Variants in ERC1 observed in about 807,000 individuals in gnomAD.
ERC1 encodes ELKS/RAB6-interacting/CAST family member 1, also known as RAB6 interacting protein 2.
In ERC1, 56 loss-of-function variants were observed where a neutral mutation model predicts 132.0. The ratio of observed to expected loss-of-function variants is 0.42; its 90% CI spans 0.34 to 0.53. ERC1 has a LOEUF of 0.53. Among genes scored for constraint, ERC1 ranks in the 20% least tolerant of loss-of-function variants. The pLI is 0.03. For synonymous variants in ERC1, 478 were observed against 476.1 expected (o/e 1.00, Z -0.05); for missense variants, 1,202 against 1,349.9 (o/e 0.89, Z 1.72).
At chr12:1,436,723 GTTT>G (rs1183796060) in intron 17 of ERC1, among the ~76,000 whole-genome samples, 1 of 152,176 alleles carries the variant, frequency 6.6e-6, no homozygotes, top group African/African-American at 2.4e-5. Context: ...CAATTTCAAT[GTTT>G]ATGTGTTCAC....
chr12:1,472,598 C>T (rs560015435), intron 18 of ERC1, among the ~76,000 whole-genome samples: 1 of 149,584 alleles, frequency 6.7e-6, no homozygotes, highest in Non-Finnish European at 1.5e-5. Context: ...TGCAGTGAGC[C>T]GTGATCACAC....
At chr12:1,075,802 C>T (rs1298545565) in intron 2 of ERC1, among the ~76,000 whole-genome samples, 5 of 152,146 alleles carry the variant, frequency 3.3e-5, no homozygotes, top group South Asian at 2.1e-4. Flanking sequence ...TGGACCATCA[C>T]GAAGATCTTC....
At chr12:1,095,345 G>C (rs111492113) in intron 3 of ERC1, among the ~76,000 whole-genome samples, 1 of 144,496 alleles carries the variant, frequency 6.9e-6, no homozygotes, top group Admixed American at 7.3e-5. Flanking sequence ...CAGGAGAATC[G>C]CTTGAACTCG....
chr12:1,105,026 C>T (rs1945097433), intron 4 of ERC1, among the ~76,000 whole-genome samples: 1 of 152,124 alleles, frequency 6.6e-6, no homozygotes, highest in South Asian at 2.1e-4. Flanking sequence ...TCAAATTGGA[C>T]CAAAAAGAGT....
At chr12:1,415,987 G>A (rs11061751) in intron 17 of ERC1, among the ~76,000 whole-genome samples, 9,448 of 152,168 alleles carry the variant, frequency 0.062, 466 homozygotes, top group African/African-American at 0.12. Context: ...AGATTACACA[G>A]CTAACAAGCG....
chr12:1,039,437 G>C (rs1303058996), intron 2 of ERC1, among the ~76,000 whole-genome samples: 3 of 151,854 alleles, frequency 2.0e-5, no homozygotes, highest in African/African-American at 7.2e-5. Context: ...GGCTAGGGCA[G>C]GAGGATAGTT....
At chr12:1,353,726 G>C (rs1276257608) in intron 15 of ERC1, among the ~76,000 whole-genome samples, 1 of 152,138 alleles carries the variant, frequency 6.6e-6, no homozygotes, top group Non-Finnish European at 1.5e-5. Flanking sequence ...GTTTTGTTTT[G>C]TGTGATCTTG....
At chr12:1,266,803 A>G (rs1219288661) in intron 14 of ERC1, among the ~76,000 whole-genome samples, 1 of 152,170 alleles carries the variant, frequency 6.6e-6, no homozygotes, top group African/African-American at 2.4e-5. Flanking sequence ...AATGCCTTAA[A>G]TGAGGCTTTT....
intron 15 of ERC1, among the ~76,000 whole-genome samples, chr12:1,329,978 A>G (rs1430463616): frequency 1.3e-5 from 2 of 152,346 alleles, no homozygotes; most frequent in African/African-American, 4.8e-5. Context: ...AGTAAATTAT[A>G]AAAGCTGAGA....
intron 16 of ERC1, among the ~76,000 whole-genome samples, chr12:1,394,025 A>G (rs998211288): frequency 8.6e-5 from 10 of 115,966 alleles, no homozygotes; most frequent in Admixed American, 7.3e-4. Context: ...CAAAAAAAAA[A>G]AAAAAAAACA....
chr12:1,031,259 A>G (rs1967982644), intron 2 of ERC1, among the ~76,000 whole-genome samples: 3 of 152,240 alleles, frequency 2.0e-5, no homozygotes, highest in Admixed American at 2.0e-4. Flanking sequence ...CAACTTTGCT[A>G]TTCCACTGTT....
At chr12:1,095,323 G>C (rs751380192) in intron 3 of ERC1, among the ~76,000 whole-genome samples, 1 of 151,220 alleles carries the variant, frequency 6.6e-6, no homozygotes, top group Admixed American at 6.6e-5. Flanking sequence ...CTAGCTATTT[G>C]GGAGGCTGAG....
chr12:1,189,724 C>A, intron 11 of ERC1, 135 bp from the exon 12 acceptor site: 2 of 620,728 alleles, frequency 3.2e-6, no homozygotes, highest in Non-Finnish European at 5.3e-6. Context: ...AGATAAAAAC[C>A]TTATAAATTA....
chr12:1,083,101 G>T (rs1220870798), intron 2 of ERC1, 63 bp from the exon 3 acceptor site: 2 of 1,400,982 alleles, frequency 1.4e-6, no homozygotes, highest in African/African-American at 2.9e-5. Flanking sequence ...CCTGCAGGCT[G>T]CTCTGATTTG....
intron 12 of ERC1, among the ~76,000 whole-genome samples, chr12:1,216,914 A>G (rs1958483742): frequency 6.6e-6 from 1 of 152,148 alleles, no homozygotes; most frequent in Admixed American, 6.5e-5. Context: ...GGAGAAAATA[A>G]TAGAGGTAGA....
intron 8 of ERC1, among the ~76,000 whole-genome samples, chr12:1,153,335 A>G (rs2968887): frequency 0.3 from 45,138 of 152,190 alleles, 7,403 homozygotes; most frequent in African/African-American, 0.42. Context: ...TTATCACAGC[A>G]CTGTGGGCAA....
At chr12:1,236,981 C>A in intron 13 of ERC1, 77 bp downstream of exon 13, 1 of 1,521,684 alleles carries the variant, frequency 6.6e-7, no homozygotes, top group Non-Finnish European at 9.0e-7. Context: ...TTCTCTTCAT[C>A]TTTATCCTCC....
intron 12 of ERC1, among the ~76,000 whole-genome samples, chr12:1,217,683 A>G (rs1047145454): frequency 4.6e-5 from 7 of 152,252 alleles, no homozygotes; most frequent in Admixed American, 2.0e-4. Context: ...TATTGCATCT[A>G]ATTAGGACCT....
intron 18 of ERC1, among the ~76,000 whole-genome samples, chr12:1,445,677 G>T (rs2093286194): frequency 6.6e-6 from 1 of 152,122 alleles, no homozygotes. Flanking sequence ...CAGATATTTG[G>T]AATTACCTTT....
Sources: allele counts gnomAD v4.1 joint callset (sites outside exome capture counted in the v4.1 genomes callset), GRCh38; gene constraint gnomAD v4.1.1; transcripts MANE v1.5; gene names NCBI Gene and HGNC (gene_info 2026-07-23, HGNC 2026-07-21).